DIAPH3: variants seen among roughly 807,000 people sequenced by gnomAD.
DIAPH3 encodes diaphanous related formin 3, also known as protein diaphanous homolog 3.
DIAPH3 carries 117 observed loss-of-function variants against 144.3 expected under a neutral mutation model. That is an observed-to-expected ratio of 0.81 (90% CI 0.70 to 0.95). DIAPH3 has a LOEUF of 0.95. Ranked by LOEUF, DIAPH3 falls within the 40% of genes least tolerant of loss-of-function variation. The pLI, the probability that DIAPH3 is intolerant of heterozygous loss-of-function variation, is 0.00. For synonymous variants in DIAPH3, 519 were observed against 488.9 expected (o/e 1.06, Z -0.81); for missense variants, 1,421 against 1,412.7 (o/e 1.01, Z -0.09).
chr13:59,915,292 C>G (rs1250410031), intron 19 of DIAPH3, among the ~76,000 whole-genome samples: 1 of 152,000 alleles, frequency 6.6e-6, no homozygotes, highest in Non-Finnish European at 1.5e-5. Context: ...GCACAAATCA[C>G]TAGTGAAATT....
chr13:59,718,345 T>A (rs2138883977), intron 27 of DIAPH3, among the ~76,000 whole-genome samples: 1 of 152,308 alleles, frequency 6.6e-6, no homozygotes, highest in East Asian at 1.9e-4. Context: ...TTCTGAAGTC[T>A]CCCTGAATAG....
intron 17 of DIAPH3, among the ~76,000 whole-genome samples, chr13:59,967,171 A>G (rs2050100790): frequency 6.6e-6 from 1 of 151,636 alleles, no homozygotes; most frequent in African/African-American, 2.4e-5. Flanking sequence ...GGTTCAAGCG[A>G]TTCTCATGCC....
chr13:60,027,616 A>T (rs1444570079), intron 5 of DIAPH3, among the ~76,000 whole-genome samples: 1 of 152,158 alleles, frequency 6.6e-6, no homozygotes, highest in Non-Finnish European at 1.5e-5. Context: ...AAAACAGTAA[A>T]ACAAGTATGG....
intron 22 of DIAPH3, 119 bp from the exon 23 acceptor site, chr13:59,839,567 T>C (rs1429868722): frequency 1.2e-5 from 11 of 951,642 alleles, no homozygotes; most frequent in Admixed American, 9.7e-5. Context: ...AAATTCATTA[T>C]AAAATAAAAA....
chr13:59,671,593 T>C (rs1308677543), intron 27 of DIAPH3, among the ~76,000 whole-genome samples: 1 of 152,224 alleles, frequency 6.6e-6, no homozygotes, highest in South Asian at 2.1e-4. Flanking sequence ...GTAGTACTGA[T>C]AGGCAAAGAA....
chr13:59,792,907 A>G (rs1437282051), intron 25 of DIAPH3, among the ~76,000 whole-genome samples: 2 of 152,170 alleles, frequency 1.3e-5, no homozygotes, highest in Non-Finnish European at 2.9e-5. Context: ...GATCTGAACT[A>G]GTACATATGT....
At chr13:59,794,038 T>C (rs2039458838) in intron 25 of DIAPH3, among the ~76,000 whole-genome samples, 1 of 152,200 alleles carries the variant, frequency 6.6e-6, no homozygotes, top group African/African-American at 2.4e-5. Flanking sequence ...CCATTGTCTG[T>C]ATTCAATAAA....
chr13:60,057,666 C>A (rs1467245278), intron 4 of DIAPH3, among the ~76,000 whole-genome samples: 1 of 151,844 alleles, frequency 6.6e-6, no homozygotes. Flanking sequence ...ATATAGTAAC[C>A]AAAACAGCAT....
intron 24 of DIAPH3, among the ~76,000 whole-genome samples, chr13:59,811,736 C>CAAAAA (rs59712985): frequency 1.9e-4 from 11 of 56,680 alleles, no homozygotes; most frequent in East Asian, 5.2e-4. Flanking sequence ...GACTCTGTCT[C>CAAAAA]AAAAAAAAAA....
chr13:60,016,450 A>G (rs2140990659), intron 5 of DIAPH3, among the ~76,000 whole-genome samples: 1 of 152,248 alleles, frequency 6.6e-6, no homozygotes, highest in East Asian at 1.9e-4. Context: ...GAAAGTATTC[A>G]CACCAAAGAA....
At chr13:59,813,615 G>A (rs756687257) in intron 24 of DIAPH3, among the ~76,000 whole-genome samples, 44 of 152,000 alleles carry the variant, frequency 2.9e-4, no homozygotes, top group Non-Finnish European at 5.6e-4. Flanking sequence ...CAGCACTTTC[G>A]GAGGCCAAGG....
chr13:59,724,553 T>C (rs1214390183), intron 27 of DIAPH3, among the ~76,000 whole-genome samples: 1 of 152,220 alleles, frequency 6.6e-6, no homozygotes, highest in Non-Finnish European at 1.5e-5. Context: ...TTTGGCACTC[T>C]AAAAGCTCTA....
intron 12 of DIAPH3, among the ~76,000 whole-genome samples, chr13:59,989,331 A>T (rs1379963559): frequency 1.3e-5 from 2 of 151,902 alleles, no homozygotes; most frequent in Non-Finnish European, 2.9e-5. Flanking sequence ...AATTATCACA[A>T]TTCTGACACA....
At chr13:59,930,465 T>C (rs939248159) in intron 17 of DIAPH3, among the ~76,000 whole-genome samples, 3 of 151,982 alleles carry the variant, frequency 2.0e-5, no homozygotes, top group Non-Finnish European at 4.4e-5. Context: ...GAAAAATGAG[T>C]CAGCCAGGTA....
chr13:59,888,826 T>A (rs2045610483), intron 20 of DIAPH3, among the ~76,000 whole-genome samples: 1 of 151,998 alleles, frequency 6.6e-6, no homozygotes, highest in Non-Finnish European at 1.5e-5. Flanking sequence ...CATGTCACCT[T>A]ATTTTTTTTT....
chr13:59,980,866 T>C lies in DIAPH3; in HGVS notation c.1481-7A>G, dbSNP rs534979056. The C allele has an allele frequency of 2.3e-5, 37 of 1,607,678 alleles. No individual in the cohort carries two copies. In the African/African-American group the frequency reaches 2.9e-4, roughly 13 times the overall value. ...GCTTGATCTATGCAAATGTCTAAAA[T>C]TGCAATGACAGGAAATTTTTAATGT... is the stretch of plus-strand genomic sequence containing the variant. On this transcript the variant is annotated splice_region_variant and splice_polypyrimidine_tract_variant and intron_variant, in intron 13 of 27. Transcript: ENST00000400324.
At chr13:59,757,691 C>T (rs1490735191) in intron 27 of DIAPH3, among the ~76,000 whole-genome samples, 2 of 152,080 alleles carry the variant, frequency 1.3e-5, no homozygotes, top group Non-Finnish European at 2.9e-5. Context: ...TGAGCCACCG[C>T]GCCCGGCCTA....
chr13:59,721,380 G>T (rs2035334099), intron 27 of DIAPH3, among the ~76,000 whole-genome samples: 1 of 152,108 alleles, frequency 6.6e-6, no homozygotes. Flanking sequence ...GATAAATAAA[G>T]ATGATTTTAT....
intron 12 of DIAPH3, 133 bp downstream of exon 12, chr13:59,991,024 AC>A: frequency 1.6e-6 from 1 of 624,168 alleles, no homozygotes; most frequent in Non-Finnish European, 2.8e-6. Flanking sequence ...CCCAGAGAAA[AC>A]AACACATTCT....
Sources: allele counts gnomAD v4.1 joint callset (sites outside exome capture counted in the v4.1 genomes callset), GRCh38; gene constraint gnomAD v4.1.1; transcripts MANE v1.5; gene names NCBI Gene and HGNC (gene_info 2026-07-23, HGNC 2026-07-21).